The following PRR14L variants were observed in gnomAD, a reference collection of about 807,000 sequenced individuals.
The protein encoded by PRR14L is proline rich 14 like.
A neutral mutation model predicts 155.0 loss-of-function variants in PRR14L; 80 were observed. The ratio of observed to expected loss-of-function variants is 0.52; its 90% CI spans 0.43 to 0.62. The LOEUF (loss-of-function observed/expected upper bound fraction) is 0.62, where lower values mean the gene tolerates loss of function less well. Ranked by LOEUF, PRR14L falls within the 20% of genes least tolerant of loss-of-function variation. PRR14L has a pLI of 0.00. For synonymous variants in PRR14L, 883 were observed against 916.0 expected (o/e 0.96, Z 0.65); for missense variants, 2,469 against 2,548.0 (o/e 0.97, Z 0.67).
At chr22:31,725,303 G>A (rs1049202714) in intron 3 of PRR14L, among the ~76,000 whole-genome samples, 2 of 152,166 alleles carry the variant, frequency 1.3e-5, no homozygotes, top group Admixed American at 6.5e-5. Flanking sequence ...CTACTTGGGA[G>A]GCTGAGGTAT....
chr22:31,716,573 C>T lies in PRR14L; in HGVS notation c.1266G>A (p.Lys422=). The part of the protein sequence containing the change: ...PFLFNAREPE[K]EISGRCSGEK... ...CACCAGAACAACGACCACTAATCTCCTTTTCTGGTTCCCTGGCATTAAAAA... is the reference window on the plus strand; with the variant it reads ...CACCAGAACAACGACCACTAATCTCTTTTTCTGGTTCCCTGGCATTAAAAA... The change falls in exon 4 of 9, where the codon AAG becomes AAA. Residue 422 remains lysine (K), a synonymous_variant. Coordinates refer to ENST00000327423, the MANE Select transcript of PRR14L (RefSeq NM_173566.3). The T allele has an allele frequency of 6.5e-7, 1 of 1,548,856 alleles. No homozygotes were observed. The highest frequency in any genetic ancestry group is 8.7e-7 in the Non-Finnish European group (1 of 1,146,340).
In PRR14L at chr22:31,704,639, A is replaced by C. The variant is rs756128309; in HGVS notation, c.5828+16T>G. The stretch of plus-strand genomic sequence containing the variant: ...CACGCACACGCGCACACACACGCTG[A>C]GTCTCATGTGCTTACCTCGTCTGAC... On this transcript the variant is annotated intron_variant, in intron 5 of 8. Transcript: ENST00000327423. 1.1e-5 allele frequency: 17 copies of C among 1,608,928 alleles called. No individual in the cohort carries two copies. The African/African-American group carries it at 2.1e-4, about 20-fold the overall frequency.
intron 2 of PRR14L, among the ~76,000 whole-genome samples, chr22:31,737,341 C>T (rs954745206): frequency 2.0e-5 from 3 of 151,744 alleles, no homozygotes; most frequent in Middle Eastern, 3.2e-3. Context: ...ATTAGCCGGG[C>T]GTAATGGTAG....
In PRR14L at chr22:31,682,617, A is replaced by C. The variant is rs2074460435; in HGVS notation, c.*2910T>G. On this transcript the variant is annotated 3_prime_UTR_variant, in exon 9 of 9. Transcript: ENST00000327423. ...GAAAAAAAAACAAAAAACAAAACACAGTTGAAAGTTTCAGTGAAAAGCTGA... is the reference window on the plus strand; with the variant it reads ...GAAAAAAAAACAAAAAACAAAACACCGTTGAAAGTTTCAGTGAAAAGCTGA... 1 of 152,194 alleles carries C rather than the reference A, an allele frequency of 6.6e-6. No homozygotes were observed. Among genetic ancestry groups the C allele is most frequent in the Admixed American group, 6.6e-5 (1 of 15,256 alleles). The allele number at this position is 152,194 out of a possible 1,614,324, so 9.4% of individuals were successfully genotyped here.
chr22:31,727,738 T>C (rs2074724519), intron 2 of PRR14L, among the ~76,000 whole-genome samples: 1 of 151,790 alleles, frequency 6.6e-6, no homozygotes, highest in Non-Finnish European at 1.5e-5. Context: ...TCCCAGCACT[T>C]TGGGAGGCTG....
Position 31,714,650 on chromosome 22 carries a change from C to T in PRR14L, c.3189G>A (p.Lys1063=). ...VDIVYTDCSN[K]LAEGVLDVKA... ...TCACGTCCAGCACACCTTCTGCAAGCTTATTACTACAGTCCGTGTAGACGA... is the reference window on the plus strand; with the variant it reads ...TCACGTCCAGCACACCTTCTGCAAGTTTATTACTACAGTCCGTGTAGACGA... Residue 1063 remains lysine (K), a synonymous_variant, in exon 4 of 9, where the codon AAG becomes AAA. Transcript: ENST00000327423. 6.4e-7 allele frequency: 1 copy of T among 1,552,184 alleles called. No homozygotes were observed. Among genetic ancestry groups the T allele is most frequent in the Non-Finnish European group, 8.7e-7 (1 of 1,147,102 alleles).
chr22:31,694,240 G>C (rs2074524210), intron 7 of PRR14L, among the ~76,000 whole-genome samples: 1 of 152,196 alleles, frequency 6.6e-6, no homozygotes, highest in Admixed American at 6.5e-5. Flanking sequence ...TCGTGCCACT[G>C]CACTCCAGCC....
intron 2 of PRR14L, among the ~76,000 whole-genome samples, chr22:31,727,814 T>C (rs1162822974): frequency 6.6e-6 from 1 of 151,358 alleles, no homozygotes; most frequent in Non-Finnish European, 1.5e-5. Context: ...ACACCCCATC[T>C]CTACTAAAAA....
At position 31,739,739 on chromosome 22, in the gene PRR14L, C is replaced by G. The variant is rs989620449; in HGVS notation, c.-51-828G>C. Among the ~76,000 whole-genome samples, 7 of 152,308 alleles carry G rather than the reference C, an allele frequency of 4.6e-5. No individual in the cohort carries two copies. In the East Asian group the frequency reaches 1.3e-3, roughly 29 times the overall value. On this transcript the variant is annotated intron_variant, in intron 1 of 8. Coordinates refer to ENST00000327423, the MANE Select transcript of PRR14L (RefSeq NM_173566.3). Reference sequence around the variant, plus strand: ...TATATTAAGAGAGAAAGAGCTTCCACTGTGTTCGTAATGTTTCATTTCTTG... The same window carrying G: ...TATATTAAGAGAGAAAGAGCTTCCAGTGTGTTCGTAATGTTTCATTTCTTG...
chr22:31,732,314 G>A (rs1035498926), intron 2 of PRR14L, among the ~76,000 whole-genome samples: 22 of 152,212 alleles, frequency 1.4e-4, no homozygotes, highest in Non-Finnish European at 2.9e-4. Flanking sequence ...TGCAGGGTCA[G>A]CCTTAGCTAG....
chr22:31,695,642 A>C (rs2074531937), intron 7 of PRR14L, among the ~76,000 whole-genome samples: 1 of 152,068 alleles, frequency 6.6e-6, no homozygotes, highest in Non-Finnish European at 1.5e-5. Flanking sequence ...GCCTTGCATC[A>C]CAGCAGTGCC....
rs959702693 is a variant in PRR14L at position 31,681,390 on chromosome 22, C to T, written c.*4137G>A. 1.3e-5 allele frequency: 2 copies of T among 152,122 alleles called. No homozygotes were observed. Among genetic ancestry groups the T allele is most frequent in the Non-Finnish European group, 2.9e-5 (2 of 68,028 alleles). The allele number at this position is 152,122 out of a possible 1,614,324, so 9.4% of individuals were successfully genotyped here. On this transcript the variant is annotated 3_prime_UTR_variant, in exon 9 of 9. Coordinates refer to ENST00000327423, the MANE Select transcript of PRR14L (RefSeq NM_173566.3). ...AAATTTATTTTCATAAATTAACACACATAACAGTGGAAATCTTAGAGTCAC... is the reference window on the plus strand; with the variant it reads ...AAATTTATTTTCATAAATTAACACATATAACAGTGGAAATCTTAGAGTCAC...
intron 7 of PRR14L, among the ~76,000 whole-genome samples, chr22:31,696,360 C>T (rs1487656772): frequency 2.6e-5 from 4 of 152,058 alleles, no homozygotes; most frequent in Non-Finnish European, 4.4e-5. Context: ...ATGCTGGTCT[C>T]GAACTTCTGA....
rs1452181603 is a variant in PRR14L, at chr22:31,716,380, A to C, written c.1459T>G (p.Leu487Val). Reference sequence around the variant, plus strand: ...TCTTTATGGTCCTCAGGGTTTGTCAAGTTACCTTGAACGTGTACAGTAATT... The same window carrying C: ...TCTTTATGGTCCTCAGGGTTTGTCACGTTACCTTGAACGTGTACAGTAATT... ...LKITVHVQGN[L>V]TNPEDHKETF... Residue 487 changes from leucine to valine, a missense_variant, in exon 4 of 9, where the codon TTG (leucine) becomes GTG (valine). By Grantham distance (32) the Leu-to-Val change is conservative. Coordinates refer to ENST00000327423, the MANE Select transcript of PRR14L (RefSeq NM_173566.3). 9.7e-6 allele frequency: 15 copies of C among 1,550,418 alleles called. No individual in the cohort carries two copies. Among genetic ancestry groups the C allele is most frequent in the Non-Finnish European group, 1.3e-5 (15 of 1,146,554 alleles).
rs530815033 is a variant in PRR14L at position 31,725,151 on chromosome 22, T to C, written c.547+387A>G. ...TGGCTCATGCCTGTAATCCTGCACT[T>C]TGTGGGGCAGAGGCAGGAGGATCAC... On this transcript the variant is annotated intron_variant, in intron 3 of 8. Transcript: ENST00000327423. 2.6e-5 allele frequency among the ~76,000 whole-genome samples: 4 copies of C among 152,260 alleles called. No individual in the cohort carries two copies. In the East Asian group the frequency reaches 7.7e-4, roughly 29 times the overall value.
Position 31,716,718 on chromosome 22 carries a change from G to A in PRR14L, c.1121C>T (p.Ala374Val). 1 of 1,551,716 alleles carries A rather than the reference G, an allele frequency of 6.4e-7. No homozygotes were observed. Among genetic ancestry groups the A allele is most frequent in the Non-Finnish European group, 8.7e-7 (1 of 1,146,966 alleles). ...AAAATAAGAACTGTCTGTCTTTTCA[G>A]CAGATCTCTTTAGCAAACCACCACC... ...FEGGGLLKRS[A>V]EKTDSSYFYR... The change falls in exon 4 of 9, where the codon GCT becomes GTT. Residue 374 changes from alanine (A) to valine (V), a missense_variant. Coordinates refer to ENST00000327423, the MANE Select transcript of PRR14L (RefSeq NM_173566.3).
chr22:31,715,138 C>T lies in PRR14L; in HGVS notation c.2701G>A (p.Glu901Lys), dbSNP rs1173553456. The T allele has an allele frequency of 4.5e-6, 7 of 1,551,966 alleles. No homozygotes were observed. Among genetic ancestry groups the T allele is most frequent in the East Asian group, 2.4e-5 (1 of 40,930 alleles). ...TCCTGCTCCTTTCCTTCCAGCCCTT[C>T]CTCACTGAGTTTGATGCTACTGGAG... ...HTSSSIKLSE[E>K]GLEGKEQDVS... The change falls in exon 4 of 9, where the codon GAA (glutamate) becomes AAA (lysine). Residue 901 changes from glutamate (E) to lysine (K), a missense_variant. Coordinates refer to ENST00000327423, the MANE Select transcript of PRR14L (RefSeq NM_173566.3).
Position 31,725,602 on chromosome 22 carries a change from G to A in PRR14L, c.483C>T (p.Leu161=), listed in dbSNP as rs1156942592. Residue 161 remains leucine, a synonymous_variant, in exon 3 of 9, where the codon CTC becomes CTT. Transcript: ENST00000327423. ...AAAGTTCTTTGCTGGACTGCATCAGGAGATCCTCCTACAGTAAGAAAATCC... is the reference window on the plus strand; with the variant it reads ...AAAGTTCTTTGCTGGACTGCATCAGAAGATCCTCCTACAGTAAGAAAATCC... ...EEKTSPSQED[L]LMQSSKELSH... is the part of the protein sequence containing the mutation. 15 of 1,549,314 alleles carry A rather than the reference G, an allele frequency of 9.7e-6. No individual in the cohort carries two copies. The highest frequency in any genetic ancestry group is 9.6e-6 in the Non-Finnish European group (11 of 1,144,854).
rs182961748 is a variant in PRR14L at position 31,745,801 on chromosome 22, C to T, written c.-52+4192G>A. ...GGCAGAGGTTGCAGCGAGCAGAGAT[C>T]GCGCCATTGCACTTCAGCCTGGGTG... On this transcript the variant is annotated intron_variant, in intron 1 of 8. Coordinates refer to ENST00000327423, the MANE Select transcript of PRR14L (RefSeq NM_173566.3). Among the ~76,000 whole-genome samples, 646 of 148,536 alleles carry T rather than the reference C, an allele frequency of 4.3e-3. 1 individual carries two copies. Among genetic ancestry groups the T allele is most frequent in the African/African-American group, 0.013 (539 of 40,160 alleles).
Sources: allele counts gnomAD v4.1 joint callset (sites outside exome capture counted in the v4.1 genomes callset), GRCh38; gene constraint gnomAD v4.1.1; transcripts MANE v1.5; gene names NCBI Gene and HGNC (gene_info 2026-07-23, HGNC 2026-07-21).